TBC1D4: variants seen among roughly 807,000 people sequenced by gnomAD.
The protein encoded by TBC1D4 is TBC (Tre-2, BUB2, CDC16) domain-containing protein.
A neutral mutation model predicts 142.5 loss-of-function variants in TBC1D4; 121 were observed. The observed-to-expected ratio is 0.85, with a 90% CI of 0.73 to 0.99. The LOEUF is 0.99. Ranked by LOEUF, TBC1D4 falls within the 50% of genes least tolerant of loss-of-function variation. The pLI is 0.00. For synonymous variants in TBC1D4, 630 were observed against 628.2 expected (o/e 1.00, Z -0.04); for missense variants, 1,475 against 1,606.6 (o/e 0.92, Z 1.40).
chr13:75,421,417 C>T (rs754237177), intron 1 of TBC1D4, among the ~76,000 whole-genome samples: 1 of 152,206 alleles, frequency 6.6e-6, no homozygotes, highest in Non-Finnish European at 1.5e-5. Context: ...TTAGGTCACA[C>T]TCACCTTTGC....
chr13:75,386,306 C>T (rs969085867), intron 1 of TBC1D4, among the ~76,000 whole-genome samples: 1 of 152,050 alleles, frequency 6.6e-6, no homozygotes, highest in Non-Finnish European at 1.5e-5. Flanking sequence ...ACACTTTTTA[C>T]CTGGCTTCAC....
At chr13:75,391,696 C>T (rs1420756986) in intron 1 of TBC1D4, among the ~76,000 whole-genome samples, 2 of 152,180 alleles carry the variant, frequency 1.3e-5, no homozygotes, top group Non-Finnish European at 2.9e-5. Flanking sequence ...TTTACACTTG[C>T]TCCACTTAGT....
chr13:75,445,463 ATTG>A (rs1217234979), intron 1 of TBC1D4, among the ~76,000 whole-genome samples: 1 of 152,150 alleles, frequency 6.6e-6, no homozygotes. Flanking sequence ...AACATCATCT[ATTG>A]TTGTATTTTC....
At chr13:75,453,371 C>A (rs1349430139) in intron 1 of TBC1D4, among the ~76,000 whole-genome samples, 1 of 151,946 alleles carries the variant, frequency 6.6e-6, no homozygotes, top group East Asian at 1.9e-4. Context: ...ACAATAATAA[C>A]ATTATGCAAT....
At chr13:75,370,569 G>A (rs1264604623) in intron 1 of TBC1D4, among the ~76,000 whole-genome samples, 1 of 152,152 alleles carries the variant, frequency 6.6e-6, no homozygotes, top group Non-Finnish European at 1.5e-5. Flanking sequence ...AATCCAATGT[G>A]AGGTCCAGGA....
chr13:75,447,536 A>T (rs979321987), intron 1 of TBC1D4, among the ~76,000 whole-genome samples: 1 of 98,206 alleles, frequency 1.0e-5, no homozygotes. Flanking sequence ...GTGTGTGTGT[A>T]CAGGCCACTG....
intron 5 of TBC1D4, among the ~76,000 whole-genome samples, chr13:75,342,066 C>T (rs772878650): frequency 5.3e-5 from 8 of 151,656 alleles, no homozygotes; most frequent in Admixed American, 1.3e-4. Flanking sequence ...GCCATGGTGG[C>T]GGGGGCCTGT....
chr13:75,464,142 C>G (rs1888077539), intron 1 of TBC1D4, among the ~76,000 whole-genome samples: 1 of 152,188 alleles, frequency 6.6e-6, no homozygotes, highest in Non-Finnish European at 1.5e-5. Context: ...AATCCACATG[C>G]AACAACCAAT....
chr13:75,339,512 A>G (rs1880498691), intron 7 of TBC1D4, among the ~76,000 whole-genome samples: 1 of 151,906 alleles, frequency 6.6e-6, no homozygotes, highest in African/African-American at 2.4e-5. Flanking sequence ...GCACAACCTC[A>G]AAACCAGCAC....
rs1156608393 is a variant in TBC1D4, at chr13:75,285,019, C to T, written c.*1773G>A. On this transcript the variant is annotated 3_prime_UTR_variant, in exon 21 of 21. Coordinates refer to ENST00000377636, the MANE Select transcript of TBC1D4 (RefSeq NM_014832.5). ...AACAGACCGTAAAAAGAAAAAACCCCTCCTACAAATAGAGAAATTCTCAGG... is the reference window on the plus strand; with the variant it reads ...AACAGACCGTAAAAAGAAAAAACCCTTCCTACAAATAGAGAAATTCTCAGG... The T allele has an allele frequency of 6.6e-6, 1 of 152,142 alleles. No individual in the cohort carries two copies. The highest frequency in any genetic ancestry group is 1.9e-4 in the East Asian group (1 of 5,194). 9.4% of individuals were successfully genotyped at this position (152,142 alleles called of 1,614,324 possible). A position where few individuals can be genotyped will look rare whatever the true frequency, so the allele number is the denominator to read the frequency against.
At chr13:75,451,212 A>G (rs1887517556) in intron 1 of TBC1D4, among the ~76,000 whole-genome samples, 1 of 152,104 alleles carries the variant, frequency 6.6e-6, no homozygotes, top group Non-Finnish European at 1.5e-5. Context: ...TCTTGTCCAT[A>G]AGATGGAGTG....
At chr13:75,476,895 C>T (rs1402915683) in intron 1 of TBC1D4, among the ~76,000 whole-genome samples, 1 of 152,194 alleles carries the variant, frequency 6.6e-6, no homozygotes, top group Non-Finnish European at 1.5e-5. Context: ...GACACACACA[C>T]TGAAGTTTGA....
At chr13:75,347,306 A>G (rs765214403) in intron 5 of TBC1D4, among the ~76,000 whole-genome samples, 16 of 152,158 alleles carry the variant, frequency 1.1e-4, no homozygotes, top group Non-Finnish European at 2.1e-4. Context: ...TCTGAGAAGT[A>G]TTTTTCAATA....
At chr13:75,327,926 A>G (rs986829699) in intron 8 of TBC1D4, 100 bp from the exon 9 acceptor site, 2 of 1,200,296 alleles carry the variant, frequency 1.7e-6, no homozygotes, top group African/African-American at 3.0e-5. Context: ...TTAGCATTAA[A>G]TTGATCATTT....
At chr13:75,369,938 T>A (rs571198621) in intron 1 of TBC1D4, among the ~76,000 whole-genome samples, 1 of 152,074 alleles carries the variant, frequency 6.6e-6, no homozygotes, top group Admixed American at 6.5e-5. Flanking sequence ...AAGTAAAATA[T>A]AAGGGATTTT....
intron 9 of TBC1D4, 63 bp downstream of exon 9, chr13:75,327,689 A>G: frequency 2.0e-6 from 3 of 1,466,054 alleles, no homozygotes; most frequent in Non-Finnish European, 1.9e-6. Flanking sequence ...GAGCATGCAT[A>G]TTACCATATC....
intron 1 of TBC1D4, among the ~76,000 whole-genome samples, chr13:75,464,819 C>G (rs927152266): frequency 1.3e-5 from 2 of 152,176 alleles, no homozygotes; most frequent in Non-Finnish European, 2.9e-5. Context: ...GGCTGAGAGA[C>G]AGAAGGAGAA....
At chr13:75,443,712 A>G (rs929779242) in intron 1 of TBC1D4, among the ~76,000 whole-genome samples, 1 of 152,192 alleles carries the variant, frequency 6.6e-6, no homozygotes, top group Non-Finnish European at 1.5e-5. Flanking sequence ...GGGACAATAG[A>G]TTCCCCTGAG....
At chr13:75,331,106 A>C (rs1419761892) in intron 8 of TBC1D4, among the ~76,000 whole-genome samples, 1 of 152,108 alleles carries the variant, frequency 6.6e-6, no homozygotes, top group East Asian at 1.9e-4. Context: ...ATTATACTCT[A>C]CCACTTCACA....
Sources: allele counts gnomAD v4.1 joint callset (sites outside exome capture counted in the v4.1 genomes callset), GRCh38; gene constraint gnomAD v4.1.1; transcripts MANE v1.5; gene names NCBI Gene and HGNC (gene_info 2026-07-23, HGNC 2026-07-21).